Variants in MPP4 observed in about 807,000 individuals in gnomAD.
MPP4 encodes the protein MAGUK p55 subfamily member 4.
MPP4 carries 91 observed loss-of-function variants against 98.3 expected under a neutral mutation model. The observed-to-expected ratio is 0.93, with a 90% CI of 0.78 to 1.10. The LOEUF (loss-of-function observed/expected upper bound fraction) is 1.10. Ranked by LOEUF, MPP4 falls within the 50% of genes least tolerant of loss-of-function variation. The pLI, the probability that MPP4 is intolerant of heterozygous loss-of-function variation, is 0.00. For missense variants in MPP4, 744 were observed against 792.9 expected, an observed-to-expected ratio of 0.94 and a Z score of 0.74; for synonymous variants, 261 against 271.8, an observed-to-expected ratio of 0.96 and a Z score of 0.39.
At chr2:201,685,773 G>T in intron 6 of MPP4, 146 bp downstream of exon 6, 1 of 822,226 alleles carries the variant, frequency 1.2e-6, no homozygotes, top group Non-Finnish European at 1.8e-6. Flanking sequence ...GAAACCACAG[G>T]CAAAACTTGC....
intron 1 of MPP4, among the ~76,000 whole-genome samples, chr2:201,696,567 G>GAGGTGGA (rs1689192611): frequency 6.6e-6 from 1 of 152,290 alleles, no homozygotes; most frequent in Admixed American, 6.5e-5. Context: ...CCACATTTCT[G>GAGGTGGA]CCATATTTAA....
At chr2:201,667,814 A>C (rs1352337254) in intron 12 of MPP4, among the ~76,000 whole-genome samples, 1 of 152,216 alleles carries the variant, frequency 6.6e-6, no homozygotes, top group African/African-American at 2.4e-5. Flanking sequence ...CTTAAAAACC[A>C]CATCACTCAT....
chr2:201,654,122 T>C (rs12467234), intron 18 of MPP4, among the ~76,000 whole-genome samples: 60,293 of 151,636 alleles, frequency 0.4, 12,986 homozygotes, highest in Non-Finnish European at 0.49. Flanking sequence ...ATTACAGGCA[T>C]GCAGCACCAC....
chr2:201,686,099 C>A (rs1410702260), intron 5 of MPP4, 49 bp from the exon 6 acceptor site: 3 of 1,597,702 alleles, frequency 1.9e-6, no homozygotes, highest in Non-Finnish European at 2.6e-6. Flanking sequence ...ATGGGCCAAA[C>A]CCCTCTAGAA....
intron 1 of MPP4, 32 bp downstream of exon 1, chr2:201,698,555 G>A: frequency 1.5e-6 from 2 of 1,301,084 alleles, no homozygotes; most frequent in Non-Finnish European, 2.0e-6. Context: ...ACATCTTCTG[G>A]TAACTGAGGA....
intron 10 of MPP4, among the ~76,000 whole-genome samples, chr2:201,679,454 G>A (rs142627622): frequency 0.011 from 1,735 of 152,176 alleles, 29 homozygotes; most frequent in African/African-American, 0.034. Context: ...CTCTGCTTAT[G>A]ATTTCTCATT....
At chr2:201,685,727 T>C (rs1688809920) in intron 6 of MPP4, among the ~76,000 whole-genome samples, 192 bp downstream of exon 6, 1 of 152,206 alleles carries the variant, frequency 6.6e-6, no homozygotes, top group Non-Finnish European at 1.5e-5. Context: ...GCTGAAATCT[T>C]TCCTTAGAGA....
At chr2:201,661,455 G>A (rs980919366) in intron 14 of MPP4, 9 of 456,432 alleles carry the variant, frequency 2.0e-5, no homozygotes, top group Non-Finnish European at 3.5e-5. Flanking sequence ...CCTTAATTGA[G>A]CTCCTCAGAG....
At chr2:201,680,577 G>T in intron 10 of MPP4, 1 of 408,262 alleles carries the variant, frequency 2.4e-6, no homozygotes, top group Non-Finnish European at 4.5e-6. Context: ...CAAACATTCA[G>T]GCCATAGCAC....
chr2:201,692,843 C>A (rs1198817227), intron 3 of MPP4, 65 bp downstream of exon 3: 7 of 1,571,206 alleles, frequency 4.5e-6, no homozygotes, highest in South Asian at 2.4e-5. Flanking sequence ...CTGAAGCTGT[C>A]ATTTTCTACA....
intron 21 of MPP4, among the ~76,000 whole-genome samples, chr2:201,645,921 A>G (rs1344612123): frequency 6.6e-6 from 1 of 152,258 alleles, no homozygotes; most frequent in Non-Finnish European, 1.5e-5. Context: ...TATCCACAGT[A>G]TGTCATCCTT....
chr2:201,665,829 A>C (rs1461990644), intron 13 of MPP4: 2 of 152,256 alleles, frequency 1.3e-5, no homozygotes, highest in East Asian at 1.9e-4. Context: ...TCTGCCACTA[A>C]ATTTGAAAAA....
At chr2:201,646,309 T>C (rs923244198) in intron 21 of MPP4, among the ~76,000 whole-genome samples, 1 of 152,186 alleles carries the variant, frequency 6.6e-6, no homozygotes, top group African/African-American at 2.4e-5. Context: ...ACTTTCAACA[T>C]GAGGATGGTA....
chr2:201,650,486 G>T, intron 18 of MPP4: 1 of 985,396 alleles, frequency 1.0e-6, no homozygotes, highest in South Asian at 4.7e-5. Context: ...TTAGATGCCT[G>T]AAAGCTCCCA....
rs1264273020 is a variant in MPP4 at position 201,645,238 on chromosome 2, C to T, written c.1886G>A (p.Trp629Ter). ...TTGAGACTCAGTATCTGAGGAAATCCATGTTGCTGGTACCCACTGAGGCTC... is the reference window on the plus strand; with the variant it reads ...TTGAGACTCAGTATCTGAGGAAATCTATGTTGCTGGTACCCACTGAGGCTC... ...QEEPQWVPAT[W>*]ISSDTESQ is the part of the protein sequence containing the mutation. Residue 629 changes from tryptophan to a stop codon, truncating the protein, a stop_gained, in exon 22 of 22, where the codon TGG (tryptophan) becomes TAG (stop). Coordinates refer to ENST00000409474, the MANE Select transcript of MPP4 (RefSeq NM_033066.3). LOFTEE classifies it high-confidence loss of function. 8 of 1,612,970 alleles carry T rather than the reference C, an allele frequency of 5.0e-6. No homozygotes were observed. The highest frequency in any genetic ancestry group is 6.8e-6 in the Non-Finnish European group (8 of 1,179,472).
chr2:201,650,465 T>C (rs1448741070), intron 18 of MPP4: 3 of 985,328 alleles, frequency 3.0e-6, no homozygotes, highest in South Asian at 4.7e-5. Flanking sequence ...TAGTGAATTA[T>C]GTGTGAACCT....
At chr2:201,692,140 A>C (rs1315869378) in intron 3 of MPP4, among the ~76,000 whole-genome samples, 1 of 152,250 alleles carries the variant, frequency 6.6e-6, no homozygotes, top group Non-Finnish European at 1.5e-5. Flanking sequence ...GTTGCCTTCT[A>C]AGAACTTTTT....
chr2:201,687,799 G>T (rs1166549848), intron 4 of MPP4, among the ~76,000 whole-genome samples: 1 of 152,148 alleles, frequency 6.6e-6, no homozygotes, highest in Admixed American at 6.5e-5. Context: ...TTAATCCCAT[G>T]GGATGCTCCA....
At position 201,692,923 on chromosome 2, in the gene MPP4, A is replaced by T. The variant is rs756253431; in HGVS notation, c.186T>A (p.Leu62=). Residue 62 remains leucine (L), a synonymous_variant, in exon 3 of 22, where the codon CTT becomes CTA. Transcript: ENST00000409474. Reference sequence around the variant, plus strand: ...AAGCACTCACCTTTAGCAGAGCCTGAAGCCACGGCGAGTGGAGGAGATCGT... The same window carrying T: ...AAGCACTCACCTTTAGCAGAGCCTGTAGCCACGGCGAGTGGAGGAGATCGT... ...LLYDLLHSPW[L]QALLKIYDCL... 4 of 1,609,478 alleles carry T rather than the reference A, an allele frequency of 2.5e-6. No individual in the cohort carries two copies. The highest frequency in any genetic ancestry group is 3.4e-6 in the Non-Finnish European group (4 of 1,178,002).
Sources: allele counts gnomAD v4.1 joint callset (sites outside exome capture counted in the v4.1 genomes callset), GRCh38; gene constraint gnomAD v4.1.1; transcripts MANE v1.5; gene names NCBI Gene and HGNC (gene_info 2026-07-23, HGNC 2026-07-21).